Variants in SH2D4A observed in about 807,000 individuals in gnomAD.
SH2D4A encodes SH2 domain-containing protein 4A.
In SH2D4A, 70 loss-of-function variants were observed where a neutral mutation model predicts 64.7. The observed-to-expected ratio is 1.08, with a 90% CI of 0.89 to 1.32. SH2D4A has a LOEUF of 1.32. Among genes scored for constraint, SH2D4A ranks in the 40% most tolerant of loss-of-function variants. The pLI is 0.00. For missense variants in SH2D4A, 706 were observed against 540.1 expected (o/e 1.31, Z -3.04); for synonymous variants, 268 against 200.7 (o/e 1.34, Z -2.83).
chr8:19,322,195 G>A (rs2052201815), intron 2 of SH2D4A, among the ~76,000 whole-genome samples: 1 of 152,160 alleles, frequency 6.6e-6, no homozygotes, highest in Non-Finnish European at 1.5e-5. Flanking sequence ...TGAAGATAAA[G>A]CCATAGACCG....
intron 7 of SH2D4A, among the ~76,000 whole-genome samples, chr8:19,365,521 T>C (rs1034992298): frequency 6.6e-6 from 1 of 152,222 alleles, no homozygotes; most frequent in African/African-American, 2.4e-5. Flanking sequence ...AGGGATGTTT[T>C]TGCAGCTAAC....
At chr8:19,392,658 C>T (rs760756145) in intron 8 of SH2D4A, among the ~76,000 whole-genome samples, 5 of 152,058 alleles carry the variant, frequency 3.3e-5, no homozygotes, top group Admixed American at 6.5e-5. Context: ...ACCATCAAGG[C>T]GTTCTGTTAG....
chr8:19,389,345 C>A (rs1379417949), intron 8 of SH2D4A, among the ~76,000 whole-genome samples: 1 of 152,178 alleles, frequency 6.6e-6, no homozygotes, highest in Non-Finnish European at 1.5e-5. Context: ...TAGAGCTACG[C>A]TGTCCAGTTA....
intron 2 of SH2D4A, among the ~76,000 whole-genome samples, chr8:19,326,082 G>C (rs779814906): frequency 3.9e-5 from 6 of 152,218 alleles, no homozygotes; most frequent in Non-Finnish European, 8.8e-5. Flanking sequence ...TGGACTGTAT[G>C]AGGTAAGCTG....
chr8:19,393,020 C>T (rs1028032254), intron 8 of SH2D4A, among the ~76,000 whole-genome samples: 13 of 152,284 alleles, frequency 8.5e-5, no homozygotes, highest in East Asian at 1.9e-4. Context: ...GGATTACAGG[C>T]GTGAGCCACC....
chr8:19,362,695 G>A (rs527618275), intron 6 of SH2D4A, among the ~76,000 whole-genome samples: 2 of 151,852 alleles, frequency 1.3e-5, no homozygotes, highest in African/African-American at 2.4e-5. Context: ...AGCCGAGATC[G>A]TACCACTGCA....
chr8:19,374,044 A>G (rs1445632717), intron 8 of SH2D4A, among the ~76,000 whole-genome samples: 6 of 152,222 alleles, frequency 3.9e-5, no homozygotes, highest in Non-Finnish European at 5.9e-5. Context: ...TGGACAGGAC[A>G]CTGGCTGAGC....
intron 4 of SH2D4A, 54 bp from the exon 5 acceptor site, chr8:19,357,149 A>T: frequency 2.9e-6 from 4 of 1,362,974 alleles, no homozygotes; most frequent in Non-Finnish European, 4.2e-6. Flanking sequence ...AGATTATCTT[A>T]TGAAACTGCA....
intron 1 of SH2D4A, among the ~76,000 whole-genome samples, chr8:19,314,651 C>A (rs2052055900): frequency 6.6e-6 from 1 of 152,164 alleles, no homozygotes; most frequent in Non-Finnish European, 1.5e-5. Flanking sequence ...TGCTCCTCAT[C>A]GCTCCAAAGG....
chr8:19,394,716 T>C lies in SH2D4A; in HGVS notation c.*74T>C. 7 of 1,193,212 alleles carry C rather than the reference T, an allele frequency of 5.9e-6. No homozygotes were observed. The South Asian group carries it at 9.2e-5, about 16-fold the overall frequency. 73.9% of individuals were successfully genotyped at this position (1,193,212 alleles called of 1,614,324 possible). The stretch of plus-strand genomic sequence containing the variant: ...GACAAATGCCACTGCAACATTTATG[T>C]GTGAAGCCAAAATCACCCTGCAGCA... On this transcript the variant is annotated 3_prime_UTR_variant, in exon 10 of 10. Transcript: ENST00000265807.
chr8:19,331,032 G>T (rs1378299555), intron 2 of SH2D4A, among the ~76,000 whole-genome samples: 1 of 152,116 alleles, frequency 6.6e-6, no homozygotes, highest in Non-Finnish European at 1.5e-5. Flanking sequence ...TCTCCACAGT[G>T]AAAACAGTAA....
intron 8 of SH2D4A, among the ~76,000 whole-genome samples, chr8:19,377,372 C>G (rs2053213530): frequency 6.6e-6 from 1 of 152,176 alleles, no homozygotes; most frequent in Non-Finnish European, 1.5e-5. Context: ...CAGAGTAAGA[C>G]TCCATCTCAG....
At chr8:19,370,235 G>C (rs988389992) in intron 7 of SH2D4A, among the ~76,000 whole-genome samples, 2 of 151,978 alleles carry the variant, frequency 1.3e-5, no homozygotes, top group African/African-American at 4.8e-5. Flanking sequence ...TTCTGCAGCT[G>C]GTTGATTAGA....
At chr8:19,358,430 G>A (rs1030266890) in intron 5 of SH2D4A, among the ~76,000 whole-genome samples, 2 of 152,278 alleles carry the variant, frequency 1.3e-5, no homozygotes, top group East Asian at 1.9e-4. Context: ...GGGAACTGAA[G>A]AATCCTGGGA....
chr8:19,366,804 A>G (rs1585189047), intron 7 of SH2D4A, among the ~76,000 whole-genome samples: 1 of 152,256 alleles, frequency 6.6e-6, no homozygotes, highest in East Asian at 1.9e-4. Flanking sequence ...CAACAACAAA[A>G]AAGATCAACC....
At chr8:19,348,123 T>A (rs1274487040) in intron 4 of SH2D4A, among the ~76,000 whole-genome samples, 5 of 152,208 alleles carry the variant, frequency 3.3e-5, no homozygotes, top group South Asian at 2.1e-4. Context: ...AGAAACAGGA[T>A]CTTGCTGTGT....
chr8:19,319,412 G>A lies in SH2D4A; in HGVS notation c.-136G>A. The A allele has an allele frequency of 2.3e-6, 3 of 1,305,186 alleles. No homozygotes were observed. Among genetic ancestry groups the A allele is most frequent in the Non-Finnish European group, 2.9e-6 (3 of 1,023,946 alleles). 80.9% of individuals were successfully genotyped at this position (1,305,186 alleles called of 1,614,324 possible). ...TGAGTAGCCAGTTTGCTGAATTATT[G>A]TCCCAGTCAGCCAGGATTGTGAGCT... On this transcript the variant is annotated 5_prime_UTR_variant, in exon 2 of 10. Transcript: ENST00000265807.
At chr8:19,316,656 G>A (rs928860297) in intron 1 of SH2D4A, among the ~76,000 whole-genome samples, 22 of 152,160 alleles carry the variant, frequency 1.4e-4, no homozygotes, top group Non-Finnish European at 2.8e-4. Context: ...TTCTGTTGCT[G>A]CAGGAATTTG....
At position 19,395,883 on chromosome 8, in the gene SH2D4A, C is replaced by T. The variant is rs145215385; in HGVS notation, c.*1241C>T. On this transcript the variant is annotated 3_prime_UTR_variant, in exon 10 of 10. Coordinates refer to ENST00000265807, the MANE Select transcript of SH2D4A (RefSeq NM_022071.4). ...GCTAATACAGTCGTTTATGTAATTA[C>T]ATAACCTGACACACAAGATCGACCC... is the stretch of plus-strand genomic sequence containing the variant. 1.7e-4 allele frequency: 25 copies of T among 150,182 alleles called. No individual in the cohort carries two copies. In the East Asian group the frequency reaches 5.0e-3, roughly 30 times the overall value. 9.3% of individuals were successfully genotyped at this position (150,182 alleles called of 1,614,324 possible). A position where few individuals can be genotyped will look rare whatever the true frequency, so the allele number is the denominator to read the frequency against.
Sources: gnomAD v4.1 joint callset for allele counts (sites outside exome capture counted in the v4.1 genomes callset) on GRCh38, gnomAD v4.1.1 for gene constraint, MANE v1.5 for transcripts, NCBI Gene and HGNC (gene_info 2026-07-23, HGNC 2026-07-21) for gene names.